Variants in NCALD observed in about 807,000 individuals in gnomAD.
NCALD encodes the protein neurocalcin-delta.
Under a neutral mutation model 18.6 loss-of-function variants are expected in NCALD, and 10 were observed. The ratio of observed to expected loss-of-function variants is 0.54; its 90% CI spans 0.33 to 0.91. The LOEUF (loss-of-function observed/expected upper bound fraction) is 0.91. Among genes scored for constraint, NCALD ranks in the 40% least tolerant of loss-of-function variants. NCALD has a pLI of 0.03. For missense variants in NCALD, 184 were observed against 247.6 expected, an observed-to-expected ratio of 0.74 and a Z score of 1.72; for synonymous variants, 88 against 87.4, an observed-to-expected ratio of 1.01 and a Z score of -0.04.
intron 3 of NCALD, among the ~76,000 whole-genome samples, chr8:101,910,503 C>T (rs909699887): frequency 6.6e-5 from 10 of 152,056 alleles, no homozygotes; most frequent in African/African-American, 2.4e-4. Flanking sequence ...GCCACAGCCA[C>T]GTGCTACCTA....
intron 1 of NCALD, among the ~76,000 whole-genome samples, chr8:101,787,335 C>A (rs1159758023): frequency 6.6e-6 from 1 of 152,190 alleles, no homozygotes; most frequent in Admixed American, 6.6e-5. Flanking sequence ...TTGAGAACAT[C>A]TCTTTCGTAA....
chr8:101,802,899 CA>C (rs34519871), intron 4 of NCALD, among the ~76,000 whole-genome samples: 1,454 of 99,500 alleles, frequency 0.015, 10 homozygotes, highest in Admixed American at 0.037. Context: ...TGCTGCTGCT[CA>C]AAAAAAAAAA....
intron 2 of NCALD, among the ~76,000 whole-genome samples, chr8:101,978,129 T>G: frequency 6.6e-6 from 1 of 151,480 alleles, no homozygotes; most frequent in East Asian, 1.9e-4. Context: ...GAAGTGCATA[T>G]GCCTGCTTGT....
chr8:101,708,271 A>G (rs1040273570), intron 2 of NCALD, among the ~76,000 whole-genome samples: 3 of 152,180 alleles, frequency 2.0e-5, no homozygotes, highest in African/African-American at 4.8e-5. Context: ...TTGTTCCCAG[A>G]GGGGCTGATC....
chr8:101,741,645 AG>A (rs1810188507), intron 1 of NCALD, among the ~76,000 whole-genome samples: 2 of 142,788 alleles, frequency 1.4e-5, no homozygotes, highest in Admixed American at 1.4e-4. Flanking sequence ...AAAAAAAAAA[AG>A]GAGGGGCTAG....
At chr8:102,074,419 G>C (rs17500306) in intron 1 of NCALD, among the ~76,000 whole-genome samples, 9,253 of 152,188 alleles carry the variant, frequency 0.061, 414 homozygotes, top group Non-Finnish European at 0.092. Flanking sequence ...GGGCAAACTC[G>C]CATTCTATTC....
chr8:101,971,219 T>C (rs960685130), intron 2 of NCALD, among the ~76,000 whole-genome samples: 1 of 152,094 alleles, frequency 6.6e-6, no homozygotes, highest in African/African-American at 2.4e-5. Flanking sequence ...CTAAGACAGA[T>C]ATGAAGCACG....
At chr8:101,909,097 CT>C (rs2131596164) in intron 3 of NCALD, among the ~76,000 whole-genome samples, 1 of 152,286 alleles carries the variant, frequency 6.6e-6, no homozygotes, top group African/African-American at 2.4e-5. Context: ...GACTGATCTG[CT>C]TTTTGTTCCC....
chr8:101,778,992 T>C (rs954512044), intron 1 of NCALD, among the ~76,000 whole-genome samples: 2 of 152,034 alleles, frequency 1.3e-5, no homozygotes, highest in African/African-American at 2.4e-5. Context: ...GAGCTACCTA[T>C]AAAGGAATCA....
intron 1 of NCALD, among the ~76,000 whole-genome samples, chr8:102,116,301 CTG>C (rs143121912): frequency 0.14 from 20,852 of 152,124 alleles, 1,569 homozygotes; most frequent in Non-Finnish European, 0.16. Flanking sequence ...AAAACCTCTA[CTG>C]TGTGTCAAGG....
intron 3 of NCALD, among the ~76,000 whole-genome samples, chr8:101,888,411 A>G (rs1765403115): frequency 6.6e-6 from 1 of 151,786 alleles, no homozygotes; most frequent in Non-Finnish European, 1.5e-5. Flanking sequence ...TTATTTATTT[A>G]TTTATTTATT....
chr8:102,043,910 G>T (rs1823146930), intron 1 of NCALD, among the ~76,000 whole-genome samples: 1 of 151,856 alleles, frequency 6.6e-6, no homozygotes, highest in African/African-American at 2.4e-5. Context: ...AAGCCAGAAA[G>T]AAGATATCTT....
At chr8:102,044,966 C>T (rs1007651383) in intron 1 of NCALD, among the ~76,000 whole-genome samples, 32 of 152,220 alleles carry the variant, frequency 2.1e-4, no homozygotes, top group African/African-American at 7.5e-4. Flanking sequence ...CATTTAAGTG[C>T]AATGGCCCCT....
At position 101,689,950 on chromosome 8, in the gene NCALD, T is replaced by C. The variant is rs562558342; in HGVS notation, c.485-544A>G. On this transcript the variant is annotated intron_variant, in intron 3 of 3. Coordinates refer to ENST00000220931, the MANE Select transcript of NCALD (RefSeq NM_032041.3). The surrounding 1 kb of genome is among the most constrained non-coding windows in gnomAD (Gnocchi z 4.4). ...AAGAAGCCGTGGACGTAAGTGTTTGTTCATACACCACGGGAAGACAGCTGT... is the reference window on the plus strand; with the variant it reads ...AAGAAGCCGTGGACGTAAGTGTTTGCTCATACACCACGGGAAGACAGCTGT... Among the ~76,000 whole-genome samples the C allele has an allele frequency of 1.3e-4, 20 of 152,338 alleles. No individual in the cohort carries two copies. The East Asian group carries it at 3.5e-3, about 26-fold the overall frequency.
intron 2 of NCALD, among the ~76,000 whole-genome samples, chr8:101,716,262 T>C (rs1816075344): frequency 6.6e-6 from 1 of 151,542 alleles, no homozygotes; most frequent in South Asian, 2.1e-4. Flanking sequence ...AGGTGGGAGT[T>C]GAACAATGAG....
intron 2 of NCALD, among the ~76,000 whole-genome samples, chr8:101,978,086 T>C (rs1405622748): frequency 6.6e-6 from 1 of 151,908 alleles, no homozygotes; most frequent in Non-Finnish European, 1.5e-5. Flanking sequence ...CAGCAACCAG[T>C]GACCCGAATA....
chr8:102,038,127 T>C (rs2132165552), intron 1 of NCALD, among the ~76,000 whole-genome samples: 1 of 152,250 alleles, frequency 6.6e-6, no homozygotes, highest in African/African-American at 2.4e-5. Flanking sequence ...CTCATTGGGA[T>C]TTCCTGACGG....
chr8:101,724,217 T>C (rs900598251), intron 1 of NCALD, among the ~76,000 whole-genome samples: 1 of 152,232 alleles, frequency 6.6e-6, no homozygotes, highest in Non-Finnish European at 1.5e-5. Flanking sequence ...AGTGACTATA[T>C]GATATTTTAC....
At chr8:101,763,761 C>A (rs999577944) in intron 1 of NCALD, among the ~76,000 whole-genome samples, 2 of 152,024 alleles carry the variant, frequency 1.3e-5, no homozygotes, top group Non-Finnish European at 2.9e-5. Context: ...GCCTTCAAAC[C>A]ATGACATTGG....
Sources: gnomAD v4.1 joint callset for allele counts (sites outside exome capture counted in the v4.1 genomes callset) on GRCh38, gnomAD v4.1.1 for gene constraint, Gnocchi (gnomAD v3.1) non-coding constraint, MANE v1.5 for transcripts, NCBI Gene and HGNC (gene_info 2026-07-23, HGNC 2026-07-21) for gene names.